SIL1: variants seen among roughly 807,000 people sequenced by gnomAD.
SIL1 encodes SIL1 nucleotide exchange factor, also known as nucleotide exchange factor SIL1.
A neutral mutation model predicts 49.1 loss-of-function variants in SIL1; 40 were observed. The observed-to-expected ratio is 0.81, with a 90% CI of 0.63 to 1.06. The LOEUF is 1.06. SIL1 is among the 50% of genes least tolerant of loss of function. The pLI, the probability that SIL1 is intolerant of heterozygous loss-of-function variation, is 0.00. For synonymous variants in SIL1, 253 were observed against 250.8 expected, an observed-to-expected ratio of 1.01 and a Z score of -0.08; for missense variants, 500 against 572.6, an observed-to-expected ratio of 0.87 and a Z score of 1.29.
At chr5:139,009,983 G>C (rs1768216631) in intron 7 of SIL1, among the ~76,000 whole-genome samples, 1 of 152,054 alleles carries the variant, frequency 6.6e-6, no homozygotes, top group South Asian at 2.1e-4. Context: ...GGCGTTCTCT[G>C]TATTTCCTGA....
chr5:139,146,425 G>A (rs146010583), intron 1 of SIL1, among the ~76,000 whole-genome samples: 12 of 152,238 alleles, frequency 7.9e-5, no homozygotes, highest in African/African-American at 2.9e-4. Context: ...AGGCATGGAA[G>A]CACATGCCTG....
intron 7 of SIL1, among the ~76,000 whole-genome samples, chr5:138,956,400 A>G (rs1377986605): frequency 1.3e-5 from 2 of 152,226 alleles, no homozygotes; most frequent in African/African-American, 4.8e-5. Flanking sequence ...AGACATCTAT[A>G]TTTGCCTGCC....
chr5:138,952,134 G>A (rs1456215661), intron 7 of SIL1, among the ~76,000 whole-genome samples: 7 of 152,264 alleles, frequency 4.6e-5, no homozygotes, highest in East Asian at 1.9e-4. Context: ...CAGCCAAGGG[G>A]CTGGAGTGGG....
At chr5:139,021,371 T>A in intron 6 of SIL1, 79 bp from the exon 7 acceptor site, 1 of 1,574,384 alleles carries the variant, frequency 6.4e-7, no homozygotes. Flanking sequence ...TTTTGGTGAC[T>A]ACCCAAAAAC....
intron 7 of SIL1, among the ~76,000 whole-genome samples, chr5:139,017,873 T>C (rs1238732886): frequency 6.6e-6 from 1 of 152,078 alleles, no homozygotes; most frequent in Non-Finnish European, 1.5e-5. Context: ...ACAAGTGCCA[T>C]TATGAGATTA....
intron 7 of SIL1, among the ~76,000 whole-genome samples, chr5:138,991,051 C>T (rs1406081721): frequency 6.6e-6 from 1 of 152,236 alleles, no homozygotes; most frequent in Admixed American, 6.5e-5. Flanking sequence ...TTATCCTTTC[C>T]TTTTTCCGGG....
At position 139,035,412 on chromosome 5, in the gene SIL1, G is replaced by A. The variant is rs542495632; in HGVS notation, c.453+7208C>T. ...CTTGAGGGCTTTGACGATCAGGGCA[G>A]AGGCAGAAGGCACTGCCTCAATCAG... On this transcript the variant is annotated intron_variant, in intron 5 of 9. Transcript: ENST00000394817. The A allele has an allele frequency of 1.1e-5, 6 of 540,220 alleles. No individual in the cohort carries two copies. The African/African-American group carries it at 1.1e-4, about 10-fold the overall frequency. 33.5% of individuals were successfully genotyped at this position (540,220 alleles called of 1,614,324 possible).
intron 1 of SIL1, among the ~76,000 whole-genome samples, chr5:139,129,761 C>T (rs1750823696): frequency 6.6e-6 from 1 of 152,154 alleles, no homozygotes; most frequent in Non-Finnish European, 1.5e-5. Flanking sequence ...CATTTAAGAG[C>T]TAAAAGCATA....
chr5:139,007,165 A>G (rs1365937645), intron 7 of SIL1, among the ~76,000 whole-genome samples: 3 of 146,356 alleles, frequency 2.0e-5, no homozygotes, highest in African/African-American at 7.8e-5. Context: ...CTCCTTGAAG[A>G]GGTCCTTCAC....
chr5:139,009,126 C>G (rs894927676), intron 7 of SIL1, among the ~76,000 whole-genome samples: 1 of 151,460 alleles, frequency 6.6e-6, no homozygotes, highest in Non-Finnish European at 1.5e-5. Context: ...TCAGGACTTG[C>G]GTTATGAATC....
chr5:139,056,657 C>T (rs1769443537), intron 3 of SIL1, among the ~76,000 whole-genome samples: 1 of 143,388 alleles, frequency 7.0e-6, no homozygotes, highest in Admixed American at 6.7e-5. Context: ...GGGGGTCAGC[C>T]CCCCGCCTGG....
chr5:139,157,784 G>A (rs955139535), intron 1 of SIL1, among the ~76,000 whole-genome samples: 3 of 152,196 alleles, frequency 2.0e-5, no homozygotes, highest in African/African-American at 7.2e-5. Flanking sequence ...CCAGTTTGGG[G>A]TTCCTGGGAG....
chr5:139,180,338 G>A (rs552620688), intron 1 of SIL1, among the ~76,000 whole-genome samples: 111 of 127,532 alleles, frequency 8.7e-4, no homozygotes, highest in African/African-American at 3.1e-3. Context: ...CCGAGATCAC[G>A]CCATTGCAAT....
chr5:138,978,401 T>C (rs2150397382), intron 7 of SIL1, among the ~76,000 whole-genome samples: 1 of 152,366 alleles, frequency 6.6e-6, no homozygotes, highest in East Asian at 1.9e-4. Context: ...AAATATTCCA[T>C]TGTATGGATA....
At chr5:139,110,562 A>T (rs1770819099) in intron 3 of SIL1, among the ~76,000 whole-genome samples, 1 of 152,248 alleles carries the variant, frequency 6.6e-6, no homozygotes, top group African/African-American at 2.4e-5. Context: ...ACAACTTATG[A>T]GTTTATGAAT....
intron 1 of SIL1, among the ~76,000 whole-genome samples, chr5:139,190,147 A>G (rs986992331): frequency 1.3e-5 from 2 of 152,248 alleles, no homozygotes; most frequent in East Asian, 3.8e-4. Context: ...GTCTGACTCC[A>G]AAGTGTGTTT....
Position 139,121,179 on chromosome 5 carries a change from A to G in SIL1, c.106-6T>C. The G allele has an allele frequency of 1.9e-6, 3 of 1,613,986 alleles. No individual in the cohort carries two copies. Among genetic ancestry groups the G allele is most frequent in the Non-Finnish European group, 2.5e-6 (3 of 1,179,934 alleles). On this transcript the variant is annotated splice_polypyrimidine_tract_variant and splice_region_variant and intron_variant, in intron 2 of 9. Transcript: ENST00000394817. ...TTGGTCAGGGCAAACTCCTTCTGAG[A>G]AAAGAAAACACAGGGCATGACCCAC... is the stretch of plus-strand genomic sequence containing the variant.
rs1408147676 is a variant in SIL1, at chr5:139,004,708, G to A, written c.767+16463C>T. ...GTTCTATTTGTGAATCAACCTAACTGTCCATTAATGAATGAATGGATAAAG... is the reference window on the plus strand; with the variant it reads ...GTTCTATTTGTGAATCAACCTAACTATCCATTAATGAATGAATGGATAAAG... On this transcript the variant is annotated intron_variant, in intron 7 of 9. Coordinates refer to ENST00000394817, the MANE Select transcript of SIL1 (RefSeq NM_022464.5). 2.0e-5 allele frequency among the ~76,000 whole-genome samples: 3 copies of A among 151,990 alleles called. No homozygotes were observed. The South Asian group carries it at 6.2e-4, about 32-fold the overall frequency.
At chr5:139,185,571 G>T (rs1318104074) in intron 1 of SIL1, among the ~76,000 whole-genome samples, 1 of 152,186 alleles carries the variant, frequency 6.6e-6, no homozygotes, top group Non-Finnish European at 1.5e-5. Context: ...GTCAAGTGAG[G>T]ACTTACTGTA....
Sources: gnomAD v4.1 joint callset for allele counts (sites outside exome capture counted in the v4.1 genomes callset) on GRCh38, gnomAD v4.1.1 for gene constraint, MANE v1.5 for transcripts, NCBI Gene and HGNC (gene_info 2026-07-23, HGNC 2026-07-21) for gene names.